Variants in CNOT2 observed in about 807,000 individuals in gnomAD.
CNOT2 encodes CC chemokine receptor 4-negative regulator of transcription 2.
Under a neutral mutation model 72.1 loss-of-function variants are expected in CNOT2, and 7 were observed. That is an observed-to-expected ratio of 0.10 (90% CI 0.06 to 0.18). The LOEUF (loss-of-function observed/expected upper bound fraction) is 0.18, where lower values mean the gene tolerates loss of function less well. CNOT2 is among the 10% of genes least tolerant of loss of function. CNOT2 has a pLI of 1.00. For missense variants in CNOT2, 345 were observed against 660.3 expected, an observed-to-expected ratio of 0.52 and a Z score of 5.23; for synonymous variants, 196 against 225.6, an observed-to-expected ratio of 0.87 and a Z score of 1.17.
intron 1 of CNOT2, among the ~76,000 whole-genome samples, chr12:70,275,639 T>C (rs1868651830): frequency 6.6e-6 from 1 of 152,102 alleles, no homozygotes; most frequent in African/African-American, 2.4e-5. Context: ...CCTTGCCTTA[T>C]AGAAAATTTC....
At chr12:70,243,164 C>T (rs1187116550), upstream of CNOT2, 7 of 152,388 alleles carry the variant, frequency 4.6e-5, no homozygotes, top group Non-Finnish European at 1.0e-4. Context: ...GCCGCAGAAG[C>T]CCCGCTCTCT....
intron 7 of CNOT2, chr12:70,334,927 A>G (rs1421779450): frequency 6.5e-6 from 1 of 153,756 alleles, no homozygotes; most frequent in African/African-American, 2.4e-5. Flanking sequence ...TTTGTATATG[A>G]AAGCGGTCAA....
chr12:70,342,738 G>A (rs911456144), intron 13 of CNOT2, among the ~76,000 whole-genome samples: 12 of 151,774 alleles, frequency 7.9e-5, no homozygotes, highest in Admixed American at 2.6e-4. Context: ...TAATTCTAAA[G>A]TAGTTATTAA....
At chr12:70,285,205 TTTTTG>T (rs1435062167) in intron 2 of CNOT2, among the ~76,000 whole-genome samples, 1 of 151,250 alleles carries the variant, frequency 6.6e-6, no homozygotes, top group Non-Finnish European at 1.5e-5. Context: ...TTTGATTTTG[TTTTTG>T]TTTTTGTTTT....
At chr12:70,308,337 C>T (rs539030838) in intron 2 of CNOT2, among the ~76,000 whole-genome samples, 3 of 152,218 alleles carry the variant, frequency 2.0e-5, no homozygotes, top group South Asian at 2.1e-4. Flanking sequence ...AGAATTGTCT[C>T]ATACCAGCAC....
At chr12:70,289,240 T>C (rs1279485767) in intron 2 of CNOT2, among the ~76,000 whole-genome samples, 1 of 152,130 alleles carries the variant, frequency 6.6e-6, no homozygotes, top group East Asian at 1.9e-4. Flanking sequence ...AGTTCAAAAT[T>C]GACGGGTTTT....
At chr12:70,270,545 A>G (rs1010906335) in intron 1 of CNOT2, among the ~76,000 whole-genome samples, 6 of 152,152 alleles carry the variant, frequency 3.9e-5, no homozygotes, top group Non-Finnish European at 8.8e-5. Flanking sequence ...AAGTTTTTAT[A>G]GGGCTTTTTA....
intron 1 of CNOT2, among the ~76,000 whole-genome samples, chr12:70,262,508 C>T (rs1359196292): frequency 2.0e-5 from 3 of 152,192 alleles, no homozygotes; most frequent in South Asian, 4.1e-4. Context: ...ATCTCCTGAC[C>T]TCGTGATCTG....
At chr12:70,353,686 G>A in intron 15 of CNOT2, 143 bp from the exon 16 acceptor site, 3 of 1,358,020 alleles carry the variant, frequency 2.2e-6, no homozygotes, top group Non-Finnish European at 3.0e-6. Context: ...TGTATTTTAT[G>A]TAGAGGAAAA....
intron 2 of CNOT2, among the ~76,000 whole-genome samples, chr12:70,290,326 A>G (rs1871666710): frequency 6.6e-6 from 1 of 151,666 alleles, no homozygotes; most frequent in Non-Finnish European, 1.5e-5. Flanking sequence ...ATATTTTCAG[A>G]GATCTTTCTC....
chr12:70,309,832 A>C (rs543971063), intron 2 of CNOT2, among the ~76,000 whole-genome samples: 2 of 152,242 alleles, frequency 1.3e-5, no homozygotes, highest in Admixed American at 1.3e-4. Context: ...AATTTTATAG[A>C]GGTCACATTT....
At chr12:70,269,813 A>G (rs1191400494) in intron 1 of CNOT2, among the ~76,000 whole-genome samples, 1 of 152,190 alleles carries the variant, frequency 6.6e-6, no homozygotes, top group Non-Finnish European at 1.5e-5. Flanking sequence ...TTCTGCATTC[A>G]GTCAAAAGAC....
chr12:70,300,311 T>C (rs1459321677), intron 2 of CNOT2, among the ~76,000 whole-genome samples: 35 of 152,238 alleles, frequency 2.3e-4, no homozygotes, highest in East Asian at 5.8e-4. Flanking sequence ...ATGTCCTGAA[T>C]GGTATTGCCT....
intron 3 of CNOT2, among the ~76,000 whole-genome samples, chr12:70,317,223 A>G (rs1877484836): frequency 6.6e-6 from 1 of 152,134 alleles, no homozygotes; most frequent in African/African-American, 2.4e-5. Context: ...TAATCATAAA[A>G]GAAAACTTAC....
chr12:70,300,519 C>T (rs1292093177), intron 2 of CNOT2, among the ~76,000 whole-genome samples: 2 of 152,144 alleles, frequency 1.3e-5, no homozygotes, highest in Admixed American at 6.6e-5. Context: ...TGTCAAAGAT[C>T]AGATGGTTGT....
intron 3 of CNOT2, among the ~76,000 whole-genome samples, chr12:70,312,452 A>AT (rs1319521921): frequency 6.6e-6 from 1 of 151,970 alleles, no homozygotes; most frequent in African/African-American, 2.4e-5. Flanking sequence ...CTAAAAGTAT[A>AT]TAAAGAGAAT....
In CNOT2 at chr12:70,353,748, T is replaced by G; in HGVS notation, c.1537-81T>G. 4 of 1,557,722 alleles carry G rather than the reference T, an allele frequency of 2.6e-6. No homozygotes were observed. In the Admixed American group the frequency reaches 8.0e-5, roughly 31 times the overall value. ...GATTCATATATATTGGGTATTTTAT[T>G]TATTTTTATAGTAAAATGTATTTTG... On this transcript the variant is annotated intron_variant, in intron 15 of 15. Coordinates refer to ENST00000229195, the MANE Select transcript of CNOT2 (RefSeq NM_014515.7).
intron 11 of CNOT2, among the ~76,000 whole-genome samples, chr12:70,339,765 A>G (rs770843603): frequency 1.5e-4 from 23 of 152,128 alleles, no homozygotes; most frequent in Non-Finnish European, 2.8e-4. Flanking sequence ...TATTCTTACT[A>G]TCAAATGATG....
intron 4 of CNOT2, among the ~76,000 whole-genome samples, chr12:70,325,719 C>G (rs1878974230): frequency 6.6e-6 from 1 of 151,714 alleles, no homozygotes; most frequent in South Asian, 2.1e-4. Flanking sequence ...GATAAAGCAC[C>G]ATTTATGTTG....
Sources: allele counts gnomAD v4.1 joint callset (sites outside exome capture counted in the v4.1 genomes callset), GRCh38; gene constraint gnomAD v4.1.1; transcripts MANE v1.5; gene names NCBI Gene and HGNC (gene_info 2026-07-23, HGNC 2026-07-21).